ERCC6: variants seen among roughly 807,000 people sequenced by gnomAD.
ERCC6 encodes ERCC excision repair 6, chromatin remodeling factor.
Under a neutral mutation model 158.7 loss-of-function variants are expected in ERCC6, and 116 were observed. The ratio of observed to expected loss-of-function variants is 0.73; its 90% CI spans 0.63 to 0.85. The LOEUF is 0.85. Among genes scored for constraint, ERCC6 ranks in the 40% least tolerant of loss-of-function variants. ERCC6 has a pLI of 0.00. For synonymous variants in ERCC6, 678 were observed against 659.3 expected (o/e 1.03, Z -0.43); for missense variants, 1,698 against 1,799.4 (o/e 0.94, Z 1.02).
the ERCC6 span, among the ~76,000 whole-genome samples, chr10:49,445,730 G>A: frequency 6.6e-6 from 1 of 152,132 alleles, no homozygotes; most frequent in African/African-American, 2.4e-5. Flanking sequence ...AAGTGCCAGG[G>A]GCTACAAACG....
At chr10:49,476,925 C>G (rs1038809515) in intron 11 of ERCC6, among the ~76,000 whole-genome samples, 1 of 152,188 alleles carries the variant, frequency 6.6e-6, no homozygotes, top group Admixed American at 6.5e-5. Flanking sequence ...TTTCAACCCC[C>G]TGCATCTTCC....
downstream of ERCC6, among the ~76,000 whole-genome samples, chr10:49,453,114 CTCTTT>C (rs1211039463): frequency 1.3e-5 from 2 of 152,116 alleles, no homozygotes; most frequent in East Asian, 1.9e-4. Context: ...TCTTTTCATT[CTCTTT>C]TAATATTGCC....
chr10:49,462,092 G>A (rs1330443775), intron 18 of ERCC6, among the ~76,000 whole-genome samples: 3 of 152,078 alleles, frequency 2.0e-5, no homozygotes, highest in Non-Finnish European at 4.4e-5. Context: ...GAACAGATCA[G>A]AAAACACTGA....
chr10:49,521,578 A>C (rs560379234), intron 5 of ERCC6, among the ~76,000 whole-genome samples: 2 of 152,364 alleles, frequency 1.3e-5, no homozygotes, highest in South Asian at 2.1e-4. Flanking sequence ...TATACCACTG[A>C]CCATAGAACC....
At chr10:49,485,159 C>T (rs1851055045) in intron 8 of ERCC6, among the ~76,000 whole-genome samples, 1 of 152,190 alleles carries the variant, frequency 6.6e-6, no homozygotes, top group African/African-American at 2.4e-5. Flanking sequence ...ACATTCTCAC[C>T]ACAGACCATG....
At position 49,458,417 on chromosome 10, in the gene ERCC6, C is replaced by A; in HGVS notation, c.*398G>T. On this transcript the variant is annotated 3_prime_UTR_variant, in exon 21 of 21. Coordinates refer to ENST00000355832, the MANE Select transcript of ERCC6 (RefSeq NM_000124.4). ...ATATTGATGAACTTATTGAACAGGT[C>A]TGACTGAATGTAAGACCTGTTTTTA... is the stretch of plus-strand genomic sequence containing the variant. The A allele has an allele frequency of 4.3e-6, 1 of 231,966 alleles. No homozygotes were observed. Among genetic ancestry groups the A allele is most frequent in the Non-Finnish European group, 8.6e-6 (1 of 116,538 alleles). 14.4% of individuals were successfully genotyped at this position (231,966 alleles called of 1,614,324 possible). A position where few individuals can be genotyped will look rare whatever the true frequency, so the allele number is the denominator to read the frequency against.
rs565869331 is a variant in ERCC6 at position 49,529,808 on chromosome 10, A to C, written c.543+912T>G. 6.6e-5 allele frequency among the ~76,000 whole-genome samples: 10 copies of C among 152,296 alleles called. No homozygotes were observed. In the South Asian group the frequency reaches 2.1e-3, roughly 32 times the overall value. On this transcript the variant is annotated intron_variant, in intron 3 of 20. Coordinates refer to ENST00000355832, the MANE Select transcript of ERCC6 (RefSeq NM_000124.4). ...ACAGCTAGTCATTCCTATCTATTGC[A>C]ATGTATTTTCACAAAGGGGTACATA...
intron 7 of ERCC6, among the ~76,000 whole-genome samples, chr10:49,495,875 T>C (rs1851258615): frequency 6.6e-6 from 1 of 152,208 alleles, no homozygotes; most frequent in African/African-American, 2.4e-5. Context: ...TCTCCGAGGA[T>C]GATTATTTCA....
the ERCC6 span, among the ~76,000 whole-genome samples, chr10:49,435,320 T>C: frequency 6.6e-6 from 1 of 152,186 alleles, no homozygotes; most frequent in African/African-American, 2.4e-5. Context: ...AAAATAAAGA[T>C]TAGCAAGGAC....
Position 49,476,259 on chromosome 10 carries a change from C to A in ERCC6, c.2338G>T (p.Val780Phe). 1.2e-6 allele frequency: 2 copies of A among 1,613,704 alleles called. No individual in the cohort carries two copies. The highest frequency in any genetic ancestry group is 1.7e-6 in the Non-Finnish European group (2 of 1,179,906). Residue 780 changes from valine (V) to phenylalanine (F), a missense_variant, in exon 12 of 21, where the codon GTT (valine) becomes TTT (phenylalanine). Transcript: ENST00000355832. ...DEQHKVYQNFVDSKEVYRILN... is the reference protein window; with the variant it reads ...DEQHKVYQNFFDSKEVYRILN... ...ATCCTGTAAACTTCTTTGGAATCAA[C>A]GAAATTTTGGTAGACTTTATGCTGC...
At chr10:49,440,365 A>G in the ERCC6 span, among the ~76,000 whole-genome samples, 1 of 152,194 alleles carries the variant, frequency 6.6e-6, no homozygotes, top group Non-Finnish European at 1.5e-5. Flanking sequence ...CTTGTTCACT[A>G]CCATGAGAAT....
At chr10:49,489,514 C>G (rs1354494942) in intron 8 of ERCC6, among the ~76,000 whole-genome samples, 1 of 152,174 alleles carries the variant, frequency 6.6e-6, no homozygotes, top group Non-Finnish European at 1.5e-5. Context: ...AGATTCGAAC[C>G]CTGGTCTTGT....
At chr10:49,503,337 G>A (rs1564431264) in intron 6 of ERCC6, 1 of 151,886 alleles carries the variant, frequency 6.6e-6, no homozygotes, top group African/African-American at 2.4e-5. Flanking sequence ...AATCTTCGAC[G>A]GCTTTCAAAC....
intron 5 of ERCC6, among the ~76,000 whole-genome samples, chr10:49,513,861 T>C (rs956519233): frequency 1.3e-5 from 2 of 152,122 alleles, no homozygotes; most frequent in African/African-American, 4.8e-5. Flanking sequence ...TCTCTCTTTT[T>C]TTTTTAACAA....
In ERCC6 at chr10:49,524,547, C is replaced by A; in HGVS notation, c.883G>T (p.Ala295Ser). Reference sequence around the variant, plus strand: ...GTGACTGGGGCTGGAGCTTTTCTAGCTGCTCTTTTATTACAACCTTGCTTC... The same window carrying A: ...GTGACTGGGGCTGGAGCTTTTCTAGATGCTCTTTTATTACAACCTTGCTTC... Reference protein sequence around the residue: ...RKKQGCNKRAARKAPAPVTPP... With the variant: ...RKKQGCNKRASRKAPAPVTPP... Residue 295 changes from alanine (A) to serine (S), a missense_variant, in exon 5 of 21, where the codon GCT becomes TCT. By Grantham distance (99) the Ala-to-Ser change is moderately conservative. Transcript: ENST00000355832. 1 of 1,614,224 alleles carries A rather than the reference C, an allele frequency of 6.2e-7. No individual in the cohort carries two copies. Among genetic ancestry groups the A allele is most frequent in the Non-Finnish European group, 8.5e-7 (1 of 1,180,026 alleles).
At chr10:49,500,224 T>C (rs889866441) in intron 7 of ERCC6, among the ~76,000 whole-genome samples, 1 of 152,204 alleles carries the variant, frequency 6.6e-6, no homozygotes, top group East Asian at 1.9e-4. Context: ...ATTAACATAA[T>C]TGAGTTTGTA....
chr10:49,495,276 C>T (rs575709699), intron 7 of ERCC6, among the ~76,000 whole-genome samples: 1 of 152,234 alleles, frequency 6.6e-6, no homozygotes, highest in East Asian at 1.9e-4. Context: ...GCTCATGCTA[C>T]AAGAGGCAAC....
intron 15 of ERCC6, 173 bp from the exon 16 acceptor site, chr10:49,472,643 A>T (rs1430208211): frequency 1.1e-5 from 8 of 746,642 alleles, no homozygotes; most frequent in Admixed American, 9.3e-5. Flanking sequence ...AGTTGAAAAG[A>T]CATCTCTACT....
chr10:49,448,633 C>T, the ERCC6 span, among the ~76,000 whole-genome samples: 4 of 152,194 alleles, frequency 2.6e-5, no homozygotes, highest in Non-Finnish European at 5.9e-5. Context: ...ACCCTTTAAG[C>T]AACCTACTTA....
Sources: allele counts gnomAD v4.1 joint callset (sites outside exome capture counted in the v4.1 genomes callset), GRCh38; gene constraint gnomAD v4.1.1; transcripts MANE v1.5; gene names NCBI Gene and HGNC (gene_info 2026-07-23, HGNC 2026-07-21).